The following CC2D2A variants were observed in gnomAD, a reference collection of about 807,000 sequenced individuals.
CC2D2A encodes the protein coiled-coil and C2 domain-containing protein 2A.
CC2D2A carries 155 observed loss-of-function variants against 212.9 expected under a neutral mutation model. The observed-to-expected ratio is 0.73, with a 90% CI of 0.64 to 0.83. The LOEUF is 0.83. Among genes scored for constraint, CC2D2A ranks in the 40% least tolerant of loss-of-function variants. The pLI is 0.00. For synonymous variants in CC2D2A, 667 were observed against 686.5 expected, an observed-to-expected ratio of 0.97 and a Z score of 0.44; for missense variants, 1,856 against 1,956.2, an observed-to-expected ratio of 0.95 and a Z score of 0.97.
At chr4:15,489,684 A>C (rs1371393484) in intron 4 of CC2D2A, among the ~76,000 whole-genome samples, 4 of 152,164 alleles carry the variant, frequency 2.6e-5, no homozygotes, top group Admixed American at 2.6e-4. Context: ...ACTCCAATGT[A>C]ACTCACACTC....
chr4:15,593,744 T>C (rs182703344), intron 33 of CC2D2A, among the ~76,000 whole-genome samples: 208 of 152,308 alleles, frequency 1.4e-3, no homozygotes, highest in Non-Finnish European at 2.5e-3. Context: ...CTTCACAGTA[T>C]ACCCAGCGTC....
At chr4:15,591,499 G>A (rs769671044) in intron 33 of CC2D2A, among the ~76,000 whole-genome samples, 4 of 152,094 alleles carry the variant, frequency 2.6e-5, no homozygotes, top group Non-Finnish European at 4.4e-5. Flanking sequence ...GATTACAGGC[G>A]TGAGCCACCG....
chr4:15,570,629 C>G (rs1334239769), intron 28 of CC2D2A, 133 bp downstream of exon 28: 4 of 556,908 alleles, frequency 7.2e-6, no homozygotes, highest in African/African-American at 1.9e-5. Context: ...CCAAGGAGGG[C>G]ACATCATCTG....
At chr4:15,560,422 G>A (rs1285647181) in intron 22 of CC2D2A, 109 bp from the exon 23 acceptor site, 3 of 595,304 alleles carry the variant, frequency 5.0e-6, no homozygotes, top group Non-Finnish European at 9.1e-6. Flanking sequence ...AGTTGGGCTG[G>A]AGGACTGGGG....
At chr4:15,516,817 T>G in intron 11 of CC2D2A, 61 bp downstream of exon 11, 1 of 1,518,188 alleles carries the variant, frequency 6.6e-7, no homozygotes, top group Non-Finnish European at 8.9e-7. Flanking sequence ...GCTTTCTGAA[T>G]AGCTTGGGGT....
intron 11 of CC2D2A, among the ~76,000 whole-genome samples, chr4:15,521,742 T>C (rs531918562): frequency 4.5e-4 from 68 of 152,234 alleles, no homozygotes; most frequent in Non-Finnish European, 8.5e-4. Context: ...GCAAATTGAA[T>C]GTCATTAAAA....
intron 24 of CC2D2A, among the ~76,000 whole-genome samples, chr4:15,566,547 G>A (rs1719888776): frequency 6.6e-6 from 1 of 152,082 alleles, no homozygotes; most frequent in African/African-American, 2.4e-5. Context: ...ATGGAAGTTG[G>A]GGAAGGCTCT....
At chr4:15,476,200 C>A (rs954972150) in intron 2 of CC2D2A, among the ~76,000 whole-genome samples, 2 of 152,204 alleles carry the variant, frequency 1.3e-5, no homozygotes, top group African/African-American at 4.8e-5. Flanking sequence ...GCTCTGTGGG[C>A]AGACAGCATC....
At chr4:15,541,662 T>G (rs1718455957) in intron 17 of CC2D2A, among the ~76,000 whole-genome samples, 1 of 152,076 alleles carries the variant, frequency 6.6e-6, no homozygotes, top group Non-Finnish European at 1.5e-5. Context: ...AGGACTCTAG[T>G]GTAATATAAC....
intron 11 of CC2D2A, chr4:15,519,697 G>A (rs1240752285): frequency 2.4e-6 from 1 of 425,400 alleles, no homozygotes; most frequent in Non-Finnish European, 4.7e-6. Context: ...ATGGCAGCAG[G>A]CAAAAAGAGA....
At chr4:15,570,789 G>A (rs953431188) in intron 28 of CC2D2A, among the ~76,000 whole-genome samples, 11 of 152,174 alleles carry the variant, frequency 7.2e-5, no homozygotes, top group African/African-American at 2.4e-4. Context: ...CAGGGAGGCT[G>A]AGGCAGGAGA....
At chr4:15,482,879 G>C (rs531068728) in intron 4 of CC2D2A, among the ~76,000 whole-genome samples, 16 of 152,172 alleles carry the variant, frequency 1.1e-4, no homozygotes, top group African/African-American at 3.9e-4. Flanking sequence ...CTATGCATTA[G>C]TCCCTTCCCC....
Position 15,563,482 on chromosome 4 carries a change from G to A in CC2D2A, c.3142G>A (p.Val1048Met). ...DGDIKLLVNI[V>M]RAYDIPVRKP... ...AGACATAAAGCTGCTGGTGAACATTGTGCGAGCTTACGACATTCCAGTGAG... is the reference window on the plus strand; with the variant it reads ...AGACATAAAGCTGCTGGTGAACATTATGCGAGCTTACGACATTCCAGTGAG... Residue 1048 changes from valine to methionine, a missense_variant, in exon 24 of 37, where the codon GTG (valine) becomes ATG (methionine). Coordinates refer to ENST00000424120, the MANE Select transcript of CC2D2A (RefSeq NM_001378615.1). 1 of 1,612,512 alleles carries A rather than the reference G, an allele frequency of 6.2e-7. No homozygotes were observed. The highest frequency in any genetic ancestry group is 8.5e-7 in the Non-Finnish European group (1 of 1,179,368).
At position 15,569,312 on chromosome 4, in the gene CC2D2A, A is replaced by G; in HGVS notation, c.3418A>G (p.Ser1140Gly). The change falls in exon 27 of 37, where the codon AGC becomes GGC. Residue 1140 changes from serine (S) to glycine (G), a missense_variant. Physicochemically the swap from Ser to Gly is moderately conservative, Grantham distance 56. Around this residue, in one of 5 missense-constraint regions of CC2D2A, gnomAD observed 1,512 missense variants for 1,579.3 expected, o/e 0.96. Transcript: ENST00000424120. Reference sequence around the variant, plus strand: ...TTGCAGGGCTCCTAATGGAGATTATAGCACAGCCAGTCTGCAGTCAGTGAA... The same window carrying G: ...TTGCAGGGCTCCTAATGGAGATTATGGCACAGCCAGTCTGCAGTCAGTGAA... ...LPFRAPNGDY[S>G]TASLQSVKDV... 6.3e-7 allele frequency: 1 copy of G among 1,579,298 alleles called. No individual in the cohort carries two copies. Among genetic ancestry groups the G allele is most frequent in the Non-Finnish European group, 8.6e-7 (1 of 1,160,562 alleles).
At chr4:15,581,120 T>G (rs1720642930) in intron 30 of CC2D2A, among the ~76,000 whole-genome samples, 1 of 152,218 alleles carries the variant, frequency 6.6e-6, no homozygotes, top group Admixed American at 6.5e-5. Flanking sequence ...TTATTGCTAC[T>G]AATAGTCACT....
rs373762896 is a variant in CC2D2A, at chr4:15,597,421, T to A, written c.4452T>A (p.Ile1484=). ...GLSSVQPEEL[I]YQRSDKAAAA... ...CTCTTCTATAGCCTGAAGAGCTAAT[T>A]TACCAGCGCTCAGACAAAGCAGCTG... Residue 1484 remains isoleucine, a synonymous_variant, in exon 35 of 37, where the codon ATT becomes ATA. Coordinates refer to ENST00000424120, the MANE Select transcript of CC2D2A (RefSeq NM_001378615.1). The A allele has an allele frequency of 4.5e-6, 7 of 1,552,408 alleles. No homozygotes were observed. In the African/African-American group the frequency reaches 9.6e-5, roughly 21 times the overall value.
At chr4:15,510,934 A>G (rs1431830985) in intron 7 of CC2D2A, among the ~76,000 whole-genome samples, 2 of 152,152 alleles carry the variant, frequency 1.3e-5, no homozygotes, top group African/African-American at 4.8e-5. Flanking sequence ...CAATAAATCC[A>G]CTGTTTGTCA....
intron 14 of CC2D2A, 128 bp downstream of exon 14, chr4:15,533,461 T>C: frequency 1.5e-6 from 1 of 668,644 alleles, no homozygotes; most frequent in Non-Finnish European, 2.4e-6. Context: ...GGTTAAGAAA[T>C]AGAACATTGC....
At position 15,594,100 on chromosome 4, in the gene CC2D2A, C is replaced by T. The variant is rs555320143; in HGVS notation, c.4315-1985C>T. On this transcript the variant is annotated intron_variant, in intron 33 of 36. Coordinates refer to ENST00000424120, the MANE Select transcript of CC2D2A (RefSeq NM_001378615.1). The stretch of plus-strand genomic sequence containing the variant: ...TCTCCAGCTTGCTCACTCTTTAAAA[C>T]TACTTCATATTCCTTGCTGTTCCTC... Among the ~76,000 whole-genome samples the T allele has an allele frequency of 2.6e-5, 4 of 152,186 alleles. No individual in the cohort carries two copies. The South Asian group carries it at 8.3e-4, about 32-fold the overall frequency.
Sources: allele counts gnomAD v4.1 joint callset (sites outside exome capture counted in the v4.1 genomes callset), GRCh38; gene constraint gnomAD v4.1.1; regional missense constraint gnomAD v4.1.1; transcripts MANE v1.5; gene names NCBI Gene and HGNC (gene_info 2026-07-23, HGNC 2026-07-21).